SH3BP4: variants seen among roughly 807,000 people sequenced by gnomAD.
SH3BP4 encodes SH3 domain-binding protein 4.
A neutral mutation model predicts 65.5 loss-of-function variants in SH3BP4; 33 were observed. The observed-to-expected ratio is 0.50, with a 90% CI of 0.38 to 0.67. The LOEUF (loss-of-function observed/expected upper bound fraction) is 0.67, where lower values mean the gene tolerates loss of function less well. SH3BP4 is among the 30% of genes least tolerant of loss of function. SH3BP4 has a pLI of 0.00. For missense variants in SH3BP4, 1,134 were observed against 1,261.4 expected (o/e 0.90, Z 1.53); for synonymous variants, 552 against 545.5 (o/e 1.01, Z -0.17).
chr2:234,990,043 C>T (rs552614018), intron 1 of SH3BP4, among the ~76,000 whole-genome samples: 1 of 152,236 alleles, frequency 6.6e-6, no homozygotes, highest in Non-Finnish European at 1.5e-5. Context: ...TGTATAAAAT[C>T]ACCTTTGGAC....
chr2:235,015,651 G>A (rs1404376185), intron 2 of SH3BP4, among the ~76,000 whole-genome samples: 2 of 152,324 alleles, frequency 1.3e-5, no homozygotes, highest in Non-Finnish European at 1.5e-5. Flanking sequence ...TTTCCCAGGC[G>A]GGTAGAGGAA....
intron 2 of SH3BP4, among the ~76,000 whole-genome samples, chr2:235,015,915 C>G (rs563502784): frequency 7.2e-5 from 11 of 151,986 alleles, no homozygotes; most frequent in Non-Finnish European, 1.5e-4. Context: ...AGTGGCTGAG[C>G]TGGGTCAGTA....
At position 235,041,195 on chromosome 2, in the gene SH3BP4, C is replaced by T. The variant is rs200773145; in HGVS notation, c.426C>T (p.Leu142=). Residue 142 remains leucine (L), a synonymous_variant, in exon 4 of 6, where the codon CTC becomes CTT. Transcript: ENST00000392011. The surrounding 1 kb of genome is among the most constrained non-coding windows in gnomAD (Gnocchi z 6.0). ...AGGTAGCCAAGGAGCTGGAGCTGCT[C>T]GGGGGATGGACAGATGACAAAAAAG... ...PDEVAKELEL[L]GGWTDDKKVP... 5.1e-5 allele frequency: 83 copies of T among 1,613,954 alleles called. No homozygotes were observed. Among genetic ancestry groups the T allele is most frequent in the East Asian group, 8.9e-5 (4 of 44,890 alleles).
intron 1 of SH3BP4, among the ~76,000 whole-genome samples, chr2:234,989,481 G>A (rs373410210): frequency 1.3e-5 from 2 of 152,168 alleles, no homozygotes; most frequent in Non-Finnish European, 2.9e-5. Context: ...GCCCACTTCC[G>A]TTTGGCCTGA....
intron 1 of SH3BP4, among the ~76,000 whole-genome samples, chr2:234,986,596 C>T (rs1559233104): frequency 1.3e-5 from 2 of 152,180 alleles, no homozygotes; most frequent in East Asian, 1.9e-4. Context: ...CGTTACTCTG[C>T]ATATCATGGC....
intron 1 of SH3BP4, among the ~76,000 whole-genome samples, chr2:234,958,735 G>A (rs1042094604): frequency 4.6e-5 from 7 of 152,214 alleles, no homozygotes; most frequent in Admixed American, 4.6e-4. Flanking sequence ...AGACGGGACA[G>A]TTCTGAGTCT....
At chr2:234,953,516 A>G (rs1476018037) in intron 1 of SH3BP4, among the ~76,000 whole-genome samples, 3 of 152,138 alleles carry the variant, frequency 2.0e-5, no homozygotes, top group African/African-American at 7.2e-5. Flanking sequence ...CGTGGCCCAG[A>G]TGAAATGATG....
chr2:235,024,223 G>A (rs182465718), intron 2 of SH3BP4, among the ~76,000 whole-genome samples: 5 of 152,338 alleles, frequency 3.3e-5, no homozygotes, highest in African/African-American at 1.2e-4. Context: ...AGGTCTGGCT[G>A]AGAGGCAGAG....
intron 2 of SH3BP4, among the ~76,000 whole-genome samples, chr2:235,004,992 A>G (rs542990973): frequency 6.6e-6 from 1 of 152,302 alleles, no homozygotes; most frequent in South Asian, 2.1e-4. Context: ...TATGTTGTTG[A>G]ACTCACTGTT....
At chr2:235,016,572 A>G (rs1694689886) in intron 2 of SH3BP4, among the ~76,000 whole-genome samples, 1 of 151,976 alleles carries the variant, frequency 6.6e-6, no homozygotes, top group Non-Finnish European at 1.5e-5. Context: ...CAGTGGCGTA[A>G]TCTCGGCTCA....
At chr2:234,960,075 A>G (rs1187393535) in intron 1 of SH3BP4, among the ~76,000 whole-genome samples, 2 of 152,240 alleles carry the variant, frequency 1.3e-5, no homozygotes, top group African/African-American at 4.8e-5. Flanking sequence ...GCCGTCAAAT[A>G]TTTGTATGTG....
rs1321128926 is a variant in SH3BP4 at position 234,965,850 on chromosome 2, G to A, written c.-207+13680G>A. The stretch of plus-strand genomic sequence containing the variant: ...CAACTAGGCATGATGGGAAAAACTT[G>A]CGCTTGTGTGACTTCGAATGTCAGG... On this transcript the variant is annotated intron_variant, in intron 1 of 5. Transcript: ENST00000392011. 2.0e-5 allele frequency among the ~76,000 whole-genome samples: 3 copies of A among 152,202 alleles called. No homozygotes were observed. In the East Asian group the frequency reaches 5.8e-4, roughly 29 times the overall value.
At chr2:234,966,432 A>G (rs1692840159) in intron 1 of SH3BP4, among the ~76,000 whole-genome samples, 1 of 152,232 alleles carries the variant, frequency 6.6e-6, no homozygotes, top group Non-Finnish European at 1.5e-5. Flanking sequence ...TAGAGCAGCT[A>G]CAGGCAGTCA....
intron 4 of SH3BP4, among the ~76,000 whole-genome samples, chr2:235,049,195 C>A (rs1265496807): frequency 1.3e-5 from 2 of 152,190 alleles, no homozygotes; most frequent in Admixed American, 1.3e-4. Context: ...ACCTTGGCTG[C>A]CCCTGGATGG....
chr2:235,008,928 A>T (rs1694387703), intron 2 of SH3BP4, among the ~76,000 whole-genome samples: 1 of 152,134 alleles, frequency 6.6e-6, no homozygotes, highest in Admixed American at 6.5e-5. Flanking sequence ...GCTCTACCAC[A>T]CCAGCACAAC....
At chr2:235,019,325 C>T (rs546778703) in intron 2 of SH3BP4, among the ~76,000 whole-genome samples, 10 of 151,400 alleles carry the variant, frequency 6.6e-5, no homozygotes, top group Middle Eastern at 3.2e-3. Context: ...AATACACTGG[C>T]GATCACACTG....
intron 1 of SH3BP4, among the ~76,000 whole-genome samples, chr2:234,989,951 G>A (rs1156394103): frequency 1.3e-5 from 2 of 152,170 alleles, no homozygotes; most frequent in African/African-American, 4.8e-5. Flanking sequence ...GCACCAACGT[G>A]ATGCCACAAG....
rs888830752 is a variant in SH3BP4 at position 234,957,931 on chromosome 2, C to A, written c.-207+5761C>A. On this transcript the variant is annotated intron_variant, in intron 1 of 5. Coordinates refer to ENST00000392011, the MANE Select transcript of SH3BP4 (RefSeq NM_014521.3). ...CTGGGCTAGGAGAGGCAGGCGGAGCCCATCTTCCCCCCAACAGGTCTGTCC... is the reference window on the plus strand; with the variant it reads ...CTGGGCTAGGAGAGGCAGGCGGAGCACATCTTCCCCCCAACAGGTCTGTCC... Among the ~76,000 whole-genome samples, 17 of 152,214 alleles carry A rather than the reference C, an allele frequency of 1.1e-4. No individual in the cohort carries two copies. In the East Asian group the frequency reaches 1.6e-3, roughly 14 times the overall value.
intron 2 of SH3BP4, among the ~76,000 whole-genome samples, chr2:235,010,938 C>G (rs946375470): frequency 6.8e-6 from 1 of 147,706 alleles, no homozygotes; most frequent in African/African-American, 2.5e-5. Context: ...CTAGGAGAAC[C>G]CTTTCTCTCT....
Sources: allele counts gnomAD v4.1 joint callset (sites outside exome capture counted in the v4.1 genomes callset), GRCh38; gene constraint gnomAD v4.1.1; non-coding constraint Gnocchi (gnomAD v3.1); transcripts MANE v1.5; gene names NCBI Gene and HGNC (gene_info 2026-07-23, HGNC 2026-07-21).